TPTE: variants seen among roughly 807,000 people sequenced by gnomAD.
TPTE encodes the protein putative tyrosine-protein phosphatase TPTE.
In TPTE, 59 loss-of-function variants were observed where a neutral mutation model predicts 84.1. That is an observed-to-expected ratio of 0.70 (90% confidence interval 0.57 to 0.87). The LOEUF is 0.87. Ranked by LOEUF, TPTE falls within the 40% of genes least tolerant of loss-of-function variation. TPTE has a pLI of 0.00. For synonymous variants in TPTE, 130 were observed against 223.5 expected (o/e 0.58, Z 3.73); for missense variants, 382 against 659.6 (o/e 0.58, Z 4.61).
chr21:10,590,488 T>A lies in TPTE; in HGVS notation c.1054T>A (p.Phe352Ile). 6.2e-7 allele frequency: 1 copy of A among 1,614,154 alleles called. No homozygotes were observed. The highest frequency in any genetic ancestry group is 1.1e-5 in the South Asian group (1 of 91,086). ...TDRTGTMVCA[F>I]LIASEICSTA... The stretch of plus-strand genomic sequence containing the variant: ...TAGAACAGGAACTATGGTTTGTGCC[T>A]TCCTTATTGCCTCTGAAATATGTTC... The change falls in exon 18 of 24, where the codon TTC becomes ATC. Residue 352 changes from phenylalanine to isoleucine, a missense_variant. Coordinates refer to ENST00000618007, the MANE Select transcript of TPTE (RefSeq NM_199261.4).
chr21:10,523,823 T>G (rs1441040635), intron 1 of TPTE, among the ~76,000 whole-genome samples: 1 of 152,308 alleles, frequency 6.6e-6, no homozygotes, highest in Non-Finnish European at 1.5e-5. Flanking sequence ...AGTAATGGGA[T>G]GGCTGGGTCA....
chr21:10,596,558 T>G lies in TPTE; in HGVS notation c.1276+471T>G, dbSNP rs796416184. On this transcript the variant is annotated intron_variant, in intron 20 of 23. Transcript: ENST00000618007. ...TTCTCATCACCCTGGGCTCTCCCTT[T>G]CCCCTCTCTCCTCCATCTGTAACCC... 3.5e-4 allele frequency among the ~76,000 whole-genome samples: 54 copies of G among 152,386 alleles called. No homozygotes were observed. In the East Asian group the frequency reaches 8.5e-3, roughly 24 times the overall value.
intron 7 of TPTE, among the ~76,000 whole-genome samples, chr21:10,544,569 AG>A (rs1180374200): frequency 1.3e-4 from 20 of 152,386 alleles, no homozygotes; most frequent in Non-Finnish European, 2.9e-4. Flanking sequence ...TATTTTTGGT[AG>A]GGGCGGGGTT....
chr21:10,590,589 G>T, intron 18 of TPTE, 66 bp downstream of exon 18: 3 of 1,605,896 alleles, frequency 1.9e-6, no homozygotes, highest in Non-Finnish European at 2.6e-6. Context: ...AAACATCACT[G>T]GCAGGACATT....
At chr21:10,564,278 G>A (rs1442057477) in intron 10 of TPTE, among the ~76,000 whole-genome samples, 6 of 152,306 alleles carry the variant, frequency 3.9e-5, no homozygotes, top group East Asian at 1.9e-4. Flanking sequence ...GGGAGGCAGA[G>A]GCGGGTGGTT....
chr21:10,526,008 T>C (rs11701040), intron 2 of TPTE, among the ~76,000 whole-genome samples: 2,483 of 142,466 alleles, frequency 0.017, no homozygotes, highest in Middle Eastern at 0.035. Context: ...ATAAGGCTGC[T>C]TATGTCAGAA....
intron 7 of TPTE, among the ~76,000 whole-genome samples, chr21:10,544,032 G>A (rs1432623688): frequency 1.3e-5 from 2 of 152,306 alleles, no homozygotes; most frequent in African/African-American, 2.4e-5. Context: ...ATGGGCAGGA[G>A]AGACTAGCAT....
chr21:10,548,256 GC>G (rs1344370593), intron 7 of TPTE, among the ~76,000 whole-genome samples: 1 of 152,302 alleles, frequency 6.6e-6, no homozygotes, highest in East Asian at 1.9e-4. Context: ...TTGAGGAACA[GC>G]CCTTTAGGCC....
At chr21:10,557,781 G>T (rs1056852949) in intron 8 of TPTE, among the ~76,000 whole-genome samples, 4 of 152,296 alleles carry the variant, frequency 2.6e-5, no homozygotes, top group African/African-American at 4.8e-5. Context: ...GTACACGTGA[G>T]GTTTGCTACA....
chr21:10,561,814 A>G (rs2074811101), intron 10 of TPTE, among the ~76,000 whole-genome samples: 1 of 152,312 alleles, frequency 6.6e-6, no homozygotes, highest in Admixed American at 6.5e-5. Flanking sequence ...AGAACTTGCC[A>G]TCCTGAAGGC....
chr21:10,578,725 T>C (rs2075214204), intron 17 of TPTE, 120 bp downstream of exon 17: 1 of 1,531,484 alleles, frequency 6.5e-7, no homozygotes, highest in African/African-American at 1.4e-5. Flanking sequence ...TTTTTAAATA[T>C]TAGCTCCAAG....
intron 2 of TPTE, 87 bp from the exon 3 acceptor site, chr21:10,527,267 GT>G (rs1416991957): frequency 6.5e-6 from 1 of 152,730 alleles, no homozygotes; most frequent in African/African-American, 2.4e-5. Context: ...TATTTTTTGT[GT>G]CCTGAAATAC....
intron 17 of TPTE, among the ~76,000 whole-genome samples, chr21:10,586,161 G>T (rs546435699): frequency 6.6e-6 from 1 of 152,416 alleles, no homozygotes; most frequent in Non-Finnish European, 1.5e-5. Context: ...ATAATTCTTA[G>T]AGTGTCAACC....
chr21:10,557,756 A>T (rs373629206), intron 8 of TPTE, among the ~76,000 whole-genome samples: 497 of 151,906 alleles, frequency 3.3e-3, no homozygotes, highest in African/African-American at 0.011. Context: ...TTTAACTTTT[A>T]TTTTAGGTTT....
intron 2 of TPTE, among the ~76,000 whole-genome samples, chr21:10,526,962 GA>G (rs1270764922): frequency 7.2e-5 from 11 of 152,302 alleles, no homozygotes; most frequent in Non-Finnish European, 1.3e-4. Context: ...CAGACAAAGA[GA>G]AAACAAAATC....
In TPTE at chr21:10,541,098, T is replaced by C. The variant is rs369140193; in HGVS notation, c.12-14T>C. The C allele has an allele frequency of 6.2e-7, 1 of 1,612,750 alleles. No homozygotes were observed. Among genetic ancestry groups the C allele is most frequent in the African/African-American group, 1.3e-5 (1 of 74,924 alleles). On this transcript the variant is annotated splice_polypyrimidine_tract_variant and intron_variant, in intron 4 of 23. Coordinates refer to ENST00000618007, the MANE Select transcript of TPTE (RefSeq NM_199261.4). ...TACGCATTGGGTCTGACTCTGACCA[T>C]ATTTGTCCTTTAGTCCTGATCCGAC...
At chr21:10,577,217 C>A (rs1249705837) in intron 14 of TPTE, among the ~76,000 whole-genome samples, 1 of 152,308 alleles carries the variant, frequency 6.6e-6, no homozygotes, top group Non-Finnish European at 1.5e-5. Flanking sequence ...TATCTGATAG[C>A]TTTAAACAGT....
At chr21:10,538,188 T>A (rs1441476126) in intron 3 of TPTE, among the ~76,000 whole-genome samples, 5 of 152,308 alleles carry the variant, frequency 3.3e-5, no homozygotes, top group Non-Finnish European at 7.3e-5. Flanking sequence ...TTTTTGACCC[T>A]GCAGAACTCT....
At chr21:10,528,925 G>T (rs1390740781) in intron 3 of TPTE, among the ~76,000 whole-genome samples, 2 of 152,302 alleles carry the variant, frequency 1.3e-5, no homozygotes, top group African/African-American at 2.4e-5. Context: ...GGTGGCTCAA[G>T]CCTGTAATCC....
Sources: gnomAD v4.1 joint callset for allele counts (sites outside exome capture counted in the v4.1 genomes callset) on GRCh38, gnomAD v4.1.1 for gene constraint, MANE v1.5 for transcripts, NCBI Gene and HGNC (gene_info 2026-07-23, HGNC 2026-07-21) for gene names.